The following PRIMA1 variants were observed in gnomAD, a reference collection of about 807,000 sequenced individuals.
The protein encoded by PRIMA1 is proline rich membrane anchor 1, also known as proline-rich membrane anchor 1.
In PRIMA1, 7 loss-of-function variants were observed where a neutral mutation model predicts 17.5. The observed-to-expected ratio is 0.40, with a 90% confidence interval of 0.23 to 0.75. The LOEUF (loss-of-function observed/expected upper bound fraction) is 0.75. Among genes scored for constraint, PRIMA1 ranks in the 30% least tolerant of loss-of-function variants. The pLI is 0.37. For synonymous variants in PRIMA1, 97 were observed against 77.9 expected (o/e 1.25, Z -1.29); for missense variants, 200 against 201.8 (o/e 0.99, Z 0.05).
At chr14:93,787,604 G>T in intron 2 of PRIMA1, 22 bp downstream of exon 2, 3 of 1,539,344 alleles carry the variant, frequency 1.9e-6, no homozygotes, top group Non-Finnish European at 2.6e-6. Context: ...CTCCCAGCCA[G>T]TGCGCAGCCG....
chr14:93,724,531 G>C (rs940892562), intron 4 of PRIMA1, among the ~76,000 whole-genome samples: 2 of 152,160 alleles, frequency 1.3e-5, no homozygotes, highest in African/African-American at 4.8e-5. Flanking sequence ...CAGCTCTGAT[G>C]TTGCTGGGTG....
At chr14:93,768,118 A>AT (rs891286247) in intron 3 of PRIMA1, among the ~76,000 whole-genome samples, 3 of 152,148 alleles carry the variant, frequency 2.0e-5, no homozygotes, top group Non-Finnish European at 4.4e-5. Flanking sequence ...TTAAAAAAAA[A>AT]GCACCCAGGA....
At chr14:93,777,481 C>A (rs917760803) in intron 3 of PRIMA1, among the ~76,000 whole-genome samples, 1 of 152,226 alleles carries the variant, frequency 6.6e-6, no homozygotes, top group East Asian at 1.9e-4. Context: ...GGATTACAGG[C>A]GCCTGCCACC....
chr14:93,788,617 G>A (rs1183226166), upstream of PRIMA1: 3 of 151,996 alleles, frequency 2.0e-5, no homozygotes, highest in African/African-American at 7.3e-5. Context: ...AGGAGCGCCC[G>A]GCGCTGGAGC....
intron 4 of PRIMA1, among the ~76,000 whole-genome samples, chr14:93,735,514 G>A (rs1281191958): frequency 6.6e-6 from 1 of 152,132 alleles, no homozygotes; most frequent in African/African-American, 2.4e-5. Context: ...GGCAGCCACA[G>A]CGGGCTGCCA....
chr14:93,788,566 T>G (rs1039320544), upstream of PRIMA1: 1 of 152,264 alleles, frequency 6.6e-6, no homozygotes, highest in East Asian at 1.9e-4. Flanking sequence ...CGTCCTCACC[T>G]TGGCGGCTGC....
chr14:93,740,063 TA>T (rs10650087), intron 3 of PRIMA1, among the ~76,000 whole-genome samples: 4 of 148,714 alleles, frequency 2.7e-5, no homozygotes, highest in South Asian at 2.1e-4. Flanking sequence ...AGACTCCAGC[TA>T]AAAAAAAAAT....
chr14:93,776,631 G>A (rs1024867898), intron 3 of PRIMA1, among the ~76,000 whole-genome samples: 7 of 152,132 alleles, frequency 4.6e-5, no homozygotes, highest in East Asian at 3.9e-4. Flanking sequence ...TAACACCTTC[G>A]TAGGCTCATC....
At chr14:93,747,882 G>C (rs2076232135) in intron 3 of PRIMA1, among the ~76,000 whole-genome samples, 1 of 147,290 alleles carries the variant, frequency 6.8e-6, no homozygotes, top group Non-Finnish European at 1.5e-5. Context: ...GACTGAGTGG[G>C]AGAGTGTGTG....
At chr14:93,769,295 A>T (rs556993531) in intron 3 of PRIMA1, among the ~76,000 whole-genome samples, 1 of 152,340 alleles carries the variant, frequency 6.6e-6, no homozygotes, top group Admixed American at 6.5e-5. Flanking sequence ...TGTGATTTGC[A>T]CAACCCACTT....
chr14:93,734,704 C>G (rs1218233063), intron 4 of PRIMA1, among the ~76,000 whole-genome samples: 1 of 151,988 alleles, frequency 6.6e-6, no homozygotes, highest in African/African-American at 2.4e-5. Flanking sequence ...TAAGGATCCC[C>G]GCCCATGCCT....
intron 2 of PRIMA1, among the ~76,000 whole-genome samples, chr14:93,782,356 C>T (rs953132375): frequency 1.3e-5 from 2 of 152,294 alleles, no homozygotes; most frequent in East Asian, 1.9e-4. Flanking sequence ...CGGAGGCTGA[C>T]GCCGGTAATC....
chr14:93,744,521 C>T (rs575569507), intron 3 of PRIMA1, among the ~76,000 whole-genome samples: 41 of 152,332 alleles, frequency 2.7e-4, no homozygotes, highest in African/African-American at 9.1e-4. Context: ...GCATGTGGGC[C>T]GCACTTGAAA....
chr14:93,745,178 C>T (rs1443028429), intron 3 of PRIMA1, among the ~76,000 whole-genome samples: 3 of 152,162 alleles, frequency 2.0e-5, no homozygotes, highest in African/African-American at 7.2e-5. Context: ...GCACTGAGCA[C>T]GTCCCCCCTC....
intron 2 of PRIMA1, among the ~76,000 whole-genome samples, chr14:93,782,851 A>G (rs923841496): frequency 3.3e-5 from 5 of 152,144 alleles, no homozygotes; most frequent in African/African-American, 1.2e-4. Context: ...CCCCATATCC[A>G]CTTGCTAGCC....
rs1208425185 is a variant in PRIMA1 at position 93,737,392 on chromosome 14, T to C, written c.230-22A>G. 3 of 1,611,192 alleles carry C rather than the reference T, an allele frequency of 1.9e-6. No individual in the cohort carries two copies. The African/African-American group carries it at 4.0e-5, about 22-fold the overall frequency. On this transcript the variant is annotated intron_variant, in intron 3 of 4. Transcript: ENST00000393140. The stretch of plus-strand genomic sequence containing the variant: ...GGAGCTGAAAAAGACAGGAGCAGCC[T>C]GAGTGTCACCTGGATGAGCTGGTCA...
chr14:93,765,326 G>A (rs1884854477), intron 3 of PRIMA1, among the ~76,000 whole-genome samples: 1 of 151,420 alleles, frequency 6.6e-6, no homozygotes, highest in African/African-American at 2.4e-5. Context: ...CATGTGTCCA[G>A]CCCTGTGCTG....
chr14:93,763,325 C>A (rs1884791722), intron 3 of PRIMA1, among the ~76,000 whole-genome samples: 1 of 152,210 alleles, frequency 6.6e-6, no homozygotes, highest in African/African-American at 2.4e-5. Flanking sequence ...CTGGGGGTCC[C>A]TGGTCATCTC....
rs1310660324 is a variant in PRIMA1, at chr14:93,720,387, G to T, written c.*1057C>A. On this transcript the variant is annotated 3_prime_UTR_variant, in exon 5 of 5. Transcript: ENST00000393140. Reference sequence around the variant, plus strand: ...GCATGAGACTGTGGAAACAGACATTGAAAGGAAGACCCTGGAAGAACAACA... The same window carrying T: ...GCATGAGACTGTGGAAACAGACATTTAAAGGAAGACCCTGGAAGAACAACA... 6.6e-6 allele frequency: 1 copy of T among 152,326 alleles called. No individual in the cohort carries two copies. Among genetic ancestry groups the T allele is most frequent in the Non-Finnish European group, 1.5e-5 (1 of 68,118 alleles). 9.4% of individuals were successfully genotyped at this position (152,326 alleles called of 1,614,324 possible).
Sources: gnomAD v4.1 joint callset for allele counts (sites outside exome capture counted in the v4.1 genomes callset) on GRCh38, gnomAD v4.1.1 for gene constraint, MANE v1.5 for transcripts, NCBI Gene and HGNC (gene_info 2026-07-23, HGNC 2026-07-21) for gene names.